RNF125: variants seen among roughly 807,000 people sequenced by gnomAD.
RNF125 encodes the protein E3 ubiquitin-protein ligase RNF125.
Under a neutral mutation model 26.0 loss-of-function variants are expected in RNF125, and 21 were observed. That is an observed-to-expected ratio of 0.81 (90% CI 0.57 to 1.16). RNF125 has a LOEUF of 1.16. RNF125 is among the 50% of genes most tolerant of loss of function. The pLI is 0.00. For missense variants in RNF125, 270 were observed against 299.4 expected (o/e 0.90, Z 0.72); for synonymous variants, 95 against 109.2 (o/e 0.87, Z 0.81).
chr18:32,055,593 T>A (rs556070755), intron 4 of RNF125, among the ~76,000 whole-genome samples: 1 of 152,286 alleles, frequency 6.6e-6, no homozygotes, highest in South Asian at 2.1e-4. Flanking sequence ...TGAGAACTCA[T>A]TTTTATGAGA....
chr18:32,086,893 C>T, the RNF125 span, among the ~76,000 whole-genome samples: 1 of 151,322 alleles, frequency 6.6e-6, no homozygotes, highest in Non-Finnish European at 1.5e-5. Context: ...CTCAAGCTAT[C>T]CTTGTACCTC....
the RNF125 span, among the ~76,000 whole-genome samples, chr18:32,082,828 C>T: frequency 6.6e-6 from 1 of 152,142 alleles, no homozygotes; most frequent in Non-Finnish European, 1.5e-5. Flanking sequence ...TCCTTGGAGA[C>T]CCTAAGGTCC....
At chr18:32,039,063 G>T (rs1290810040) in intron 2 of RNF125, among the ~76,000 whole-genome samples, 1 of 150,164 alleles carries the variant, frequency 6.7e-6, no homozygotes, top group African/African-American at 2.4e-5. Context: ...ACCATGCCCA[G>T]CCCAGGATTG....
chr18:32,024,311 A>G (rs2039013544), intron 1 of RNF125, among the ~76,000 whole-genome samples: 1 of 125,662 alleles, frequency 8.0e-6, no homozygotes, highest in Non-Finnish European at 1.7e-5. Flanking sequence ...CTCCTGCCTC[A>G]GCCTCCTGAG....
chr18:32,042,431 A>G (rs1055853724), intron 3 of RNF125, among the ~76,000 whole-genome samples, 158 bp downstream of exon 3: 1 of 152,212 alleles, frequency 6.6e-6, no homozygotes, highest in Non-Finnish European at 1.5e-5. Flanking sequence ...GTTGATAGCA[A>G]TCATTGTTAA....
At chr18:32,074,034 C>T (rs541223232), downstream of RNF125, among the ~76,000 whole-genome samples, 4 of 152,198 alleles carry the variant, frequency 2.6e-5, no homozygotes, top group Non-Finnish European at 4.4e-5. Context: ...AGAAGCCCAA[C>T]GAAGGAGAAT....
intron 4 of RNF125, among the ~76,000 whole-genome samples, chr18:32,054,794 CTG>C (rs1267509366): frequency 1.3e-5 from 2 of 152,114 alleles, no homozygotes; most frequent in Non-Finnish European, 2.9e-5. Flanking sequence ...GAGGTGTCTA[CTG>C]TGTGTCAAGT....
chr18:32,019,433 G>C (rs961934804), intron 1 of RNF125, among the ~76,000 whole-genome samples: 2 of 152,164 alleles, frequency 1.3e-5, no homozygotes, highest in African/African-American at 4.8e-5. Context: ...CCCGCAAAGC[G>C]CAGTTACCCC....
chr18:32,025,370 A>AG (rs1429637840), intron 1 of RNF125, among the ~76,000 whole-genome samples: 4 of 152,074 alleles, frequency 2.6e-5, no homozygotes, highest in Admixed American at 2.6e-4. Flanking sequence ...GAGAAGACAG[A>AG]GGACCCCCAA....
Position 32,068,277 on chromosome 18 carries a change from A to G in RNF125, c.613-21A>G, listed in dbSNP as rs757096377. On this transcript the variant is annotated intron_variant, in intron 5 of 5. Transcript: ENST00000217740. ...AATACTATTGACTCTGAATATTTCT[A>G]ATTATTTTTCTTTATTGTAGGATTT... 23 of 1,300,498 alleles carry G rather than the reference A, an allele frequency of 1.8e-5. No homozygotes were observed. In the African/African-American group the frequency reaches 2.0e-4, roughly 12 times the overall value. 80.6% of individuals were successfully genotyped at this position (1,300,498 alleles called of 1,614,324 possible).
chr18:32,062,384 A>G (rs1225876502), intron 4 of RNF125, among the ~76,000 whole-genome samples: 1 of 152,222 alleles, frequency 6.6e-6, no homozygotes, highest in Non-Finnish European at 1.5e-5. Flanking sequence ...TTCTCATTAT[A>G]CATAGTGGCA....
At chr18:32,022,603 G>A (rs2038995800) in intron 1 of RNF125, among the ~76,000 whole-genome samples, 1 of 152,146 alleles carries the variant, frequency 6.6e-6, no homozygotes, top group African/African-American at 2.4e-5. Context: ...CATGGTTATG[G>A]GAGGGAGAAA....
chr18:32,033,680 G>A (rs914745076), intron 1 of RNF125, among the ~76,000 whole-genome samples: 8 of 151,682 alleles, frequency 5.3e-5, no homozygotes, highest in Admixed American at 6.6e-5. Flanking sequence ...TTAGCTGGGC[G>A]TGGTGGCGCA....
At chr18:32,090,332 A>C in the RNF125 span, among the ~76,000 whole-genome samples, 1 of 152,252 alleles carries the variant, frequency 6.6e-6, no homozygotes, top group African/African-American at 2.4e-5. Flanking sequence ...GAATGTGAAA[A>C]GCACCTGAAC....
intron 1 of RNF125, among the ~76,000 whole-genome samples, chr18:32,021,362 G>T (rs1158616781): frequency 6.6e-6 from 1 of 152,262 alleles, no homozygotes; most frequent in Non-Finnish European, 1.5e-5. Flanking sequence ...TTACAGGCGT[G>T]AGCCATGGAG....
chr18:32,080,851 G>C, the RNF125 span, among the ~76,000 whole-genome samples: 2 of 152,010 alleles, frequency 1.3e-5, no homozygotes, highest in African/African-American at 4.8e-5. Flanking sequence ...ACTCTAGCCT[G>C]GGGGACTGTG....
intron 1 of RNF125, among the ~76,000 whole-genome samples, chr18:32,026,066 C>CTTTTT (rs34424595): frequency 7.6e-6 from 1 of 132,232 alleles, no homozygotes. Flanking sequence ...TTAAAAAAAA[C>CTTTTT]TTTTTTTTTT....
the RNF125 span, among the ~76,000 whole-genome samples, chr18:32,080,273 C>T: frequency 6.6e-6 from 1 of 152,296 alleles, no homozygotes; most frequent in South Asian, 2.1e-4. Flanking sequence ...AGGTGATCTG[C>T]CCACCTCGGC....
chr18:32,064,390 CTTTTTCTTTTTTTTT>C (rs1382200469), intron 4 of RNF125, among the ~76,000 whole-genome samples: 4 of 84,708 alleles, frequency 4.7e-5, no homozygotes, highest in African/African-American at 1.9e-4. Context: ...AAATCTTTTT[CTTTTTCTTTTTTTTT>C]TTTTTTTTTT....
Sources: allele counts gnomAD v4.1 joint callset (sites outside exome capture counted in the v4.1 genomes callset), GRCh38; gene constraint gnomAD v4.1.1; transcripts MANE v1.5; gene names NCBI Gene and HGNC (gene_info 2026-07-23, HGNC 2026-07-21).